The following SLA variants were observed in gnomAD, a reference collection of about 807,000 sequenced individuals.
The protein encoded by SLA is src-like-adapter.
SLA carries 16 observed loss-of-function variants against 30.3 expected under a neutral mutation model. The observed-to-expected ratio is 0.53, with a 90% CI of 0.36 to 0.80. The LOEUF (loss-of-function observed/expected upper bound fraction) is 0.80. Ranked by LOEUF, SLA falls within the 30% of genes least tolerant of loss-of-function variation. SLA has a pLI of 0.01. For synonymous variants in SLA, 143 were observed against 137.8 expected (o/e 1.04, Z -0.26); for missense variants, 310 against 345.2 (o/e 0.90, Z 0.81).
intron 1 of SLA, among the ~76,000 whole-genome samples, chr8:133,082,845 C>A (rs906569844): frequency 2.0e-5 from 3 of 152,140 alleles, no homozygotes; most frequent in Non-Finnish European, 4.4e-5. Context: ...TGATAAGATT[C>A]TGTTATTGTT....
Position 133,038,208 on chromosome 8 carries a change from T to C in SLA, c.*316A>G. ...TCCTTGGAGAGCAGTCCTGGTGCCC[T>C]TTCTTGTGAGAGTGGCTTTGTCCTT... On this transcript the variant is annotated 3_prime_UTR_variant, in exon 9 of 9. Coordinates refer to ENST00000338087, the MANE Select transcript of SLA (RefSeq NM_001045556.3). 1 of 370,850 alleles carries C rather than the reference T, an allele frequency of 2.7e-6. No homozygotes were observed. Among genetic ancestry groups the C allele is most frequent in the Non-Finnish European group, 5.0e-6 (1 of 198,174 alleles). 23.0% of individuals were successfully genotyped at this position (370,850 alleles called of 1,614,324 possible).
chr8:133,060,021 G>A (rs1842135938), intron 3 of SLA, 79 bp downstream of exon 3: 27 of 1,427,058 alleles, frequency 1.9e-5, no homozygotes, highest in Non-Finnish European at 2.5e-5. Context: ...AGTAGTTACC[G>A]GCATCCACCA....
chr8:133,055,373 A>G (rs1002385298), intron 3 of SLA, among the ~76,000 whole-genome samples: 1 of 32,074 alleles, frequency 3.1e-5, no homozygotes, highest in Non-Finnish European at 5.9e-5. Context: ...GCGCACACAC[A>G]CACACACACA....
intron 3 of SLA, among the ~76,000 whole-genome samples, chr8:133,055,509 C>G (rs1427620864): frequency 6.6e-6 from 1 of 152,114 alleles, no homozygotes; most frequent in East Asian, 1.9e-4. Context: ...CTTGTGAGCC[C>G]TCTTAGTCAT....
intron 3 of SLA, among the ~76,000 whole-genome samples, chr8:133,057,784 A>AAC (rs1043526240): frequency 6.6e-5 from 10 of 152,050 alleles, no homozygotes; most frequent in African/African-American, 1.2e-4. Flanking sequence ...CAAAAAAAAA[A>AAC]AAACAAAAAA....
At chr8:133,093,803 G>A (rs17703832) in intron 1 of SLA, among the ~76,000 whole-genome samples, 62,458 of 152,064 alleles carry the variant, frequency 0.41, 13,808 homozygotes, top group Non-Finnish European at 0.48. Context: ...GTGTTTGGCC[G>A]CTGGGGTCAG....
intron 1 of SLA, among the ~76,000 whole-genome samples, chr8:133,098,489 T>A (rs1309712496): frequency 6.6e-6 from 1 of 152,228 alleles, no homozygotes; most frequent in Non-Finnish European, 1.5e-5. Flanking sequence ...AATTTCCCAC[T>A]CACCTCCTTA....
chr8:133,039,915 C>T lies in SLA; in HGVS notation c.617+83G>A, dbSNP rs1837849602. Reference sequence around the variant, plus strand: ...ATGGTTTTCATGTGCTCGGCACACACACCGTTTTGTGCTCACATGTTCACA... The same window carrying T: ...ATGGTTTTCATGTGCTCGGCACACATACCGTTTTGTGCTCACATGTTCACA... On this transcript the variant is annotated intron_variant, in intron 8 of 8. Transcript: ENST00000338087. 1.5e-5 allele frequency: 22 copies of T among 1,505,772 alleles called. 2 individuals are homozygous for T. In the South Asian group the frequency reaches 2.3e-4, roughly 15 times the overall value. 93.3% of individuals were successfully genotyped at this position (1,505,772 alleles called of 1,614,324 possible). A position where few individuals can be genotyped will look rare whatever the true frequency, so the allele number is the denominator to read the frequency against.
chr8:133,057,023 C>T (rs1357382331), intron 3 of SLA, among the ~76,000 whole-genome samples: 1 of 152,186 alleles, frequency 6.6e-6, no homozygotes, highest in African/African-American at 2.4e-5. Context: ...GCGAAGACCA[C>T]TTACTGAGAA....
chr8:133,082,059 G>A (rs1165677737), intron 1 of SLA, among the ~76,000 whole-genome samples: 3 of 152,226 alleles, frequency 2.0e-5, no homozygotes, highest in Non-Finnish European at 4.4e-5. Context: ...AGAGATCCTT[G>A]TGAACTCTGT....
intron 2 of SLA, among the ~76,000 whole-genome samples, chr8:133,062,876 G>A (rs1842579080): frequency 6.6e-6 from 1 of 152,134 alleles, no homozygotes; most frequent in African/African-American, 2.4e-5. Flanking sequence ...AAGCATGTGT[G>A]TGACATGCAC....
intron 1 of SLA, among the ~76,000 whole-genome samples, chr8:133,087,442 G>A (rs1846775963): frequency 6.6e-6 from 1 of 152,148 alleles, no homozygotes; most frequent in African/African-American, 2.4e-5. Flanking sequence ...CCCTCGGGGT[G>A]TGAGGGGACT....
chr8:133,069,335 G>T (rs1225962257), intron 2 of SLA, among the ~76,000 whole-genome samples: 1 of 152,226 alleles, frequency 6.6e-6, no homozygotes, highest in Non-Finnish European at 1.5e-5. Context: ...CACAGCATTT[G>T]CCAGTGACCT....
chr8:133,081,201 G>C (rs964609094), intron 1 of SLA, among the ~76,000 whole-genome samples: 2 of 152,256 alleles, frequency 1.3e-5, no homozygotes, highest in African/African-American at 4.8e-5. Context: ...TTTCAAATTG[G>C]AGCCTGAGCT....
intron 1 of SLA, among the ~76,000 whole-genome samples, chr8:133,079,770 A>AGGT (rs1337423101): frequency 6.6e-6 from 1 of 152,188 alleles, no homozygotes; most frequent in Non-Finnish European, 1.5e-5. Flanking sequence ...TCGATGGAGA[A>AGGT]AACCAAGTGT....
chr8:133,065,936 G>A (rs1842972256), intron 2 of SLA, among the ~76,000 whole-genome samples: 1 of 152,162 alleles, frequency 6.6e-6, no homozygotes. Flanking sequence ...GTTTCCAGCG[G>A]GGATGAGGGG....
intron 1 of SLA, among the ~76,000 whole-genome samples, chr8:133,093,815 T>A (rs996995571): frequency 6.6e-6 from 1 of 152,270 alleles, no homozygotes; most frequent in African/African-American, 2.4e-5. Flanking sequence ...TGGGGTCAGA[T>A]CCCAGCCCTG....
chr8:133,049,087 C>T (rs1269666036), intron 5 of SLA: 2 of 448,610 alleles, frequency 4.5e-6, no homozygotes, highest in East Asian at 7.0e-5. Flanking sequence ...GCGACTTTTA[C>T]AGGACCCTCA....
chr8:133,039,111 TTA>T (rs1837664283), intron 8 of SLA, among the ~76,000 whole-genome samples: 1 of 152,152 alleles, frequency 6.6e-6, no homozygotes, highest in Non-Finnish European at 1.5e-5. Context: ...ACTCCTGACC[TTA>T]GGTGATCTGC....
Sources: allele counts gnomAD v4.1 joint callset (sites outside exome capture counted in the v4.1 genomes callset), GRCh38; gene constraint gnomAD v4.1.1; transcripts MANE v1.5; gene names NCBI Gene and HGNC (gene_info 2026-07-23, HGNC 2026-07-21).